The following RAD51B variants were observed in gnomAD, a reference collection of about 807,000 sequenced individuals.
RAD51B encodes the protein DNA repair protein RAD51 homolog 2.
Under a neutral mutation model 42.2 loss-of-function variants are expected in RAD51B, and 38 were observed. The ratio of observed to expected loss-of-function variants is 0.90; its 90% CI spans 0.70 to 1.18. RAD51B has a LOEUF of 1.18. RAD51B is among the 50% of genes most tolerant of loss of function. The probability of loss-of-function intolerance (pLI) is 0.00; values close to 1 mark genes in which losing one functional copy is unlikely to be tolerated. For synonymous variants in RAD51B, 154 were observed against 145.2 expected (o/e 1.06, Z -0.43); for missense variants, 373 against 400.7 (o/e 0.93, Z 0.59).
intron 11 of RAD51B, among the ~76,000 whole-genome samples, chr14:68,668,575 A>G (rs919617907): frequency 6.6e-6 from 1 of 152,216 alleles, no homozygotes; most frequent in African/African-American, 2.4e-5. Context: ...TTGAAGCCAC[A>G]TTTCAGGTGG....
Position 68,088,851 on chromosome 14 carries a change from C to G in RAD51B, c.756+201647C>G, listed in dbSNP as rs189306750. ...GGGGTAGAGGAGAAGGCAATTAAAACTTTGAACACCTTAAATGCCCTTCCT... is the reference window on the plus strand; with the variant it reads ...GGGGTAGAGGAGAAGGCAATTAAAAGTTTGAACACCTTAAATGCCCTTCCT... On this transcript the variant is annotated intron_variant, in intron 7 of 10. Coordinates refer to ENST00000471583, the MANE Select transcript of RAD51B (RefSeq NM_133510.4). 3.1e-4 allele frequency among the ~76,000 whole-genome samples: 47 copies of G among 152,208 alleles called. No individual in the cohort carries two copies. The East Asian group carries it at 8.3e-3, about 27-fold the overall frequency.
chr14:68,445,878 A>G (rs1266019804), intron 9 of RAD51B, among the ~76,000 whole-genome samples: 1 of 152,196 alleles, frequency 6.6e-6, no homozygotes, highest in African/African-American at 2.4e-5. Flanking sequence ...TAGAGTGGAA[A>G]CAAATGTGGT....
intron 7 of RAD51B, among the ~76,000 whole-genome samples, chr14:68,228,646 T>A (rs2080088454): frequency 6.6e-6 from 1 of 152,212 alleles, no homozygotes; most frequent in Admixed American, 6.5e-5. Flanking sequence ...TTGAATGACA[T>A]GAATGAATGA....
At chr14:68,380,416 G>A (rs556184842) in intron 8 of RAD51B, among the ~76,000 whole-genome samples, 1 of 152,168 alleles carries the variant, frequency 6.6e-6, no homozygotes, top group Non-Finnish European at 1.5e-5. Context: ...AACAGTTGTG[G>A]TTAGTGCCCC....
At chr14:68,402,890 A>C (rs1045268420) in intron 8 of RAD51B, among the ~76,000 whole-genome samples, 4 of 152,154 alleles carry the variant, frequency 2.6e-5, no homozygotes, top group African/African-American at 9.7e-5. Context: ...GTAACTGCTC[A>C]TTACCAAGGC....
At chr14:68,397,811 G>A (rs2083968746) in intron 8 of RAD51B, among the ~76,000 whole-genome samples, 1 of 152,150 alleles carries the variant, frequency 6.6e-6, no homozygotes, top group African/African-American at 2.4e-5. Flanking sequence ...TACCAGTGTG[G>A]GAAACAAAAA....
At chr14:68,548,057 G>A (rs1297490375) in intron 10 of RAD51B, among the ~76,000 whole-genome samples, 1 of 152,228 alleles carries the variant, frequency 6.6e-6, no homozygotes, top group East Asian at 1.9e-4. Context: ...GTTCCTCCTG[G>A]AGAGTTTAAG....
chr14:68,024,426 A>C (rs1332036144), intron 7 of RAD51B, among the ~76,000 whole-genome samples: 1 of 152,214 alleles, frequency 6.6e-6, no homozygotes, highest in African/African-American at 2.4e-5. Context: ...TGCTTTGGGC[A>C]GTGTGACCAT....
chr14:68,611,298 A>G, exon 11 of RAD51B: 1 of 699,560 alleles, frequency 1.4e-6, no homozygotes, highest in Non-Finnish European at 2.6e-6. Context: ...AACATCCGAC[A>G]GCAACTATAA....
chr14:68,123,014 G>T (rs1392494320), intron 7 of RAD51B, among the ~76,000 whole-genome samples: 2 of 151,904 alleles, frequency 1.3e-5, no homozygotes, highest in African/African-American at 4.8e-5. Flanking sequence ...GCTTATCTTT[G>T]TTGTAAGGTT....
chr14:68,354,502 C>T (rs563314003), intron 8 of RAD51B, among the ~76,000 whole-genome samples: 9 of 151,978 alleles, frequency 5.9e-5, no homozygotes, highest in African/African-American at 1.2e-4. Flanking sequence ...CGTGAGCCAC[C>T]GCGCCTGGCC....
intron 11 of RAD51B, among the ~76,000 whole-genome samples, chr14:68,667,362 C>T (rs1018187125): frequency 6.6e-6 from 1 of 152,234 alleles, no homozygotes; most frequent in African/African-American, 2.4e-5. Context: ...TTCAGGCCTT[C>T]AACTGATTAA....
At chr14:68,439,928 T>C (rs1401013100) in intron 9 of RAD51B, among the ~76,000 whole-genome samples, 1 of 152,162 alleles carries the variant, frequency 6.6e-6, no homozygotes, top group Non-Finnish European at 1.5e-5. Flanking sequence ...CACCCTTTAA[T>C]TGGTTCATGT....
At chr14:67,864,900 A>G (rs1467542982) in intron 4 of RAD51B, 103 bp from the exon 5 acceptor site, 2 of 1,413,770 alleles carry the variant, frequency 1.4e-6, no homozygotes, top group African/African-American at 1.5e-5. Flanking sequence ...GTTGGACTGC[A>G]TATATGGCAA....
chr14:68,316,731 C>T (rs2082071214), intron 8 of RAD51B, among the ~76,000 whole-genome samples: 1 of 152,138 alleles, frequency 6.6e-6, no homozygotes. Flanking sequence ...TGAGGAACAG[C>T]CATGCTGTCT....
In RAD51B at chr14:68,086,863, C is replaced by T. The variant is rs537453800; in HGVS notation, c.756+199659C>T. Among the ~76,000 whole-genome samples, 8 of 152,148 alleles carry T rather than the reference C, an allele frequency of 5.3e-5. No homozygotes were observed. The South Asian group carries it at 8.3e-4, about 16-fold the overall frequency. On this transcript the variant is annotated intron_variant, in intron 7 of 10. Transcript: ENST00000471583. ...ATTAAAAGATGCCTGGGGCCAGGCG[C>T]GGTGGCTCATGACTGTCATCCCAGC... is the stretch of plus-strand genomic sequence containing the variant.
At chr14:68,254,460 C>A (rs936780842) in intron 7 of RAD51B, among the ~76,000 whole-genome samples, 2 of 152,182 alleles carry the variant, frequency 1.3e-5, no homozygotes, top group Non-Finnish European at 2.9e-5. Context: ...GGGCAAAAAA[C>A]CACAGTAGTA....
intron 10 of RAD51B, among the ~76,000 whole-genome samples, chr14:68,601,987 C>T (rs748406506): frequency 2.6e-5 from 4 of 152,154 alleles, no homozygotes; most frequent in Admixed American, 6.5e-5. Context: ...TCTCCACTGC[C>T]ACCCCCTCTG....
intron 8 of RAD51B, among the ~76,000 whole-genome samples, chr14:68,311,211 C>G (rs1203159734): frequency 6.6e-5 from 10 of 152,170 alleles, no homozygotes; most frequent in Non-Finnish European, 1.5e-4. Flanking sequence ...CAGGCAATGG[C>G]TATTTTAAAG....
Sources: gnomAD v4.1 joint callset for allele counts (sites outside exome capture counted in the v4.1 genomes callset) on GRCh38, gnomAD v4.1.1 for gene constraint, MANE v1.5 for transcripts, NCBI Gene and HGNC (gene_info 2026-07-23, HGNC 2026-07-21) for gene names.